KSR2: variants seen among roughly 807,000 people sequenced by gnomAD.
KSR2 encodes kinase suppressor of ras 2.
In KSR2, 25 loss-of-function variants were observed where a neutral mutation model predicts 107.8. The ratio of observed to expected loss-of-function variants is 0.23; its 90% confidence interval spans 0.17 to 0.32. The LOEUF is 0.32. Ranked by LOEUF, KSR2 falls within the 10% of genes least tolerant of loss-of-function variation. KSR2 has a pLI of 1.00. For synonymous variants in KSR2, 480 were observed against 507.0 expected, an observed-to-expected ratio of 0.95 and a Z score of 0.71; for missense variants, 887 against 1,268.9, an observed-to-expected ratio of 0.70 and a Z score of 4.57.
chr12:117,903,379 A>T (rs1175149731), intron 1 of KSR2, among the ~76,000 whole-genome samples: 2 of 152,268 alleles, frequency 1.3e-5, no homozygotes, highest in Non-Finnish European at 2.9e-5. Context: ...CGAGTTAGCA[A>T]ATAAAAATAG....
At chr12:117,555,437 T>C (rs1877614638) in intron 8 of KSR2, 144 bp from the exon 9 acceptor site, 1 of 784,924 alleles carries the variant, frequency 1.3e-6, no homozygotes, top group Admixed American at 2.3e-5. Flanking sequence ...GATTCTGTGG[T>C]GGGATCAGGG....
chr12:117,720,033 T>C (rs561776225), intron 4 of KSR2, among the ~76,000 whole-genome samples: 13 of 152,334 alleles, frequency 8.5e-5, no homozygotes, highest in African/African-American at 2.9e-4. Flanking sequence ...ACTCAATAAC[T>C]TGAAGTTTGG....
chr12:117,566,883 C>T (rs149969121), intron 7 of KSR2, among the ~76,000 whole-genome samples: 1 of 152,330 alleles, frequency 6.6e-6, no homozygotes, highest in East Asian at 1.9e-4. Flanking sequence ...TCCTACTGCG[C>T]CCAAATTGCC....
chr12:117,509,837 G>GAAGAAACA lies in KSR2; in HGVS notation c.2219+15007_2219+15014dup, dbSNP rs1347071371. Among the ~76,000 whole-genome samples the GAAGAAACA allele has an allele frequency of 3.3e-5, 5 of 152,288 alleles. No homozygotes were observed. In the East Asian group the frequency reaches 9.6e-4, roughly 29 times the overall value. On this transcript the variant is annotated intron_variant, in intron 14 of 19. Transcript: ENST00000339824. Reference sequence around the variant, plus strand: ...TTCCTCTCAGTCTTTTAAACACCTAGAAGAAACAATCTTCTTTTGAAGAGG... The same window carrying GAAGAAACA: ...TTCCTCTCAGTCTTTTAAACACCTAGAAGAAACAAAGAAACAATCTTCTTTTGAAGAGG...
At chr12:117,760,308 T>C (rs1888953908) in intron 4 of KSR2, among the ~76,000 whole-genome samples, 1 of 152,226 alleles carries the variant, frequency 6.6e-6, no homozygotes, top group Non-Finnish European at 1.5e-5. Flanking sequence ...GGGTCCTCTG[T>C]CAATTTCCCC....
At chr12:117,968,016 G>A (rs1014283074) in intron 1 of KSR2, 60 bp downstream of exon 1, 52 of 1,408,286 alleles carry the variant, frequency 3.7e-5, no homozygotes, top group Non-Finnish European at 5.1e-5. Flanking sequence ...AAAGGAGGGG[G>A]AAAGAAGGAT....
intron 5 of KSR2, among the ~76,000 whole-genome samples, chr12:117,629,505 C>G (rs1240894803): frequency 6.6e-6 from 1 of 152,218 alleles, no homozygotes; most frequent in Non-Finnish European, 1.5e-5. Flanking sequence ...AAAATCTATG[C>G]TGACAATTGC....
intron 5 of KSR2, among the ~76,000 whole-genome samples, chr12:117,641,242 G>A (rs752361450): frequency 1.4e-4 from 21 of 152,208 alleles, no homozygotes; most frequent in South Asian, 2.1e-4. Context: ...GATTACAGGC[G>A]TGTGCCACCA....
chr12:117,676,239 C>G (rs750514621), intron 4 of KSR2, among the ~76,000 whole-genome samples: 13 of 152,130 alleles, frequency 8.5e-5, no homozygotes, highest in Non-Finnish European at 8.8e-5. Context: ...CTGGCTGGAG[C>G]ACTCCCCAAG....
chr12:117,909,712 G>A (rs988309593), intron 1 of KSR2, among the ~76,000 whole-genome samples: 2 of 151,294 alleles, frequency 1.3e-5, no homozygotes, highest in African/African-American at 2.4e-5. Context: ...AGACCAGCCT[G>A]GCCAACATGG....
chr12:117,480,178 G>C (rs1407296141), intron 16 of KSR2, among the ~76,000 whole-genome samples: 1 of 151,622 alleles, frequency 6.6e-6, no homozygotes, highest in South Asian at 2.1e-4. Flanking sequence ...GCCACTGGGG[G>C]TGGGGTGGGT....
intron 1 of KSR2, among the ~76,000 whole-genome samples, chr12:117,934,552 C>T (rs1895785499): frequency 6.6e-6 from 1 of 152,184 alleles, no homozygotes; most frequent in Non-Finnish European, 1.5e-5. Context: ...TCTAGCCACG[C>T]TGAAGCCAGT....
intron 5 of KSR2, among the ~76,000 whole-genome samples, chr12:117,583,465 G>A (rs544516421): frequency 2.8e-5 from 4 of 145,364 alleles, no homozygotes; most frequent in African/African-American, 7.7e-5. Flanking sequence ...GGATGGATGG[G>A]TGAATGGAAA....
At chr12:117,544,004 T>G (rs1259225524) in intron 9 of KSR2, among the ~76,000 whole-genome samples, 1 of 152,198 alleles carries the variant, frequency 6.6e-6, no homozygotes, top group African/African-American at 2.4e-5. Context: ...TCATATTGGA[T>G]TAAGGGACCA....
intron 4 of KSR2, among the ~76,000 whole-genome samples, chr12:117,736,911 G>C (rs374501737): frequency 6.6e-6 from 1 of 152,142 alleles, no homozygotes; most frequent in East Asian, 1.9e-4. Flanking sequence ...CCGAATAGGA[G>C]AGTTTTCTTC....
At chr12:117,479,523 C>A (rs531867240) in intron 16 of KSR2, among the ~76,000 whole-genome samples, 16 of 152,312 alleles carry the variant, frequency 1.1e-4, no homozygotes, top group Admixed American at 6.5e-5. Flanking sequence ...CTGGCCTCTA[C>A]TCATTACAGG....
chr12:117,710,808 C>A (rs1218117646), intron 4 of KSR2, among the ~76,000 whole-genome samples: 1 of 152,032 alleles, frequency 6.6e-6, no homozygotes, highest in African/African-American at 2.4e-5. Context: ...CTTCATAATT[C>A]CCTGGTGCAC....
chr12:117,947,765 C>A (rs916529131), intron 1 of KSR2, among the ~76,000 whole-genome samples: 7 of 151,904 alleles, frequency 4.6e-5, no homozygotes, highest in Non-Finnish European at 1.0e-4. Context: ...AAAGTAAATA[C>A]ATTTACATAG....
At chr12:117,645,651 CAAAATCTCT>C (rs1158079816) in intron 5 of KSR2, among the ~76,000 whole-genome samples, 1 of 151,262 alleles carries the variant, frequency 6.6e-6, no homozygotes, top group Non-Finnish European at 1.5e-5. Context: ...TTCCTGGAAG[CAAAATCTCT>C]AACTGTTTGG....
Sources: gnomAD v4.1 joint callset for allele counts (sites outside exome capture counted in the v4.1 genomes callset) on GRCh38, gnomAD v4.1.1 for gene constraint, MANE v1.5 for transcripts, NCBI Gene and HGNC (gene_info 2026-07-23, HGNC 2026-07-21) for gene names.